Variants in GPHN observed in about 807,000 individuals in gnomAD.
GPHN encodes the protein gephyrin.
A neutral mutation model predicts 95.5 loss-of-function variants in GPHN; 17 were observed. The ratio of observed to expected loss-of-function variants is 0.18; its 90% CI spans 0.12 to 0.27. The LOEUF (loss-of-function observed/expected upper bound fraction) is 0.27. Among genes scored for constraint, GPHN ranks in the 10% least tolerant of loss-of-function variants. GPHN has a pLI of 1.00. For missense variants in GPHN, 660 were observed against 978.1 expected (o/e 0.67, Z 4.34); for synonymous variants, 320 against 322.5 (o/e 0.99, Z 0.08).
chr14:67,115,055 A>G (rs1361323450), intron 16 of GPHN, among the ~76,000 whole-genome samples: 2 of 152,188 alleles, frequency 1.3e-5, no homozygotes, highest in Admixed American at 1.3e-4. Flanking sequence ...ATACTAAACT[A>G]TACCACAGTT....
the GPHN span, among the ~76,000 whole-genome samples, chr14:67,479,611 G>T: frequency 6.6e-6 from 1 of 152,022 alleles, no homozygotes; most frequent in East Asian, 1.9e-4. Context: ...CCAGCTACTC[G>T]GGAGGCTGAG....
chr14:67,668,383 C>T, the GPHN span, among the ~76,000 whole-genome samples: 2 of 152,082 alleles, frequency 1.3e-5, no homozygotes, highest in Non-Finnish European at 2.9e-5. Flanking sequence ...TGGACAGTTA[C>T]ACAAAAACTT....
At chr14:67,122,154 G>A in intron 16 of GPHN, 102 bp from the exon 17 acceptor site, 1 of 1,080,162 alleles carries the variant, frequency 9.3e-7, no homozygotes, top group Non-Finnish European at 1.4e-6. Flanking sequence ...TACCATTGTA[G>A]GTGCTAGATA....
At chr14:67,347,498 C>CTG in the GPHN span, 4 of 1,292,318 alleles carry the variant, frequency 3.1e-6, no homozygotes, top group South Asian at 5.6e-5. Flanking sequence ...CCTTTAAGTT[C>CTG]TCTCTTTTTT....
chr14:66,741,743 A>G (rs1013337244), intron 2 of GPHN, among the ~76,000 whole-genome samples: 1 of 152,162 alleles, frequency 6.6e-6, no homozygotes, highest in East Asian at 1.9e-4. Flanking sequence ...CTTTGTAGCT[A>G]CTGTCACCAG....
rs543616425 is a variant in GPHN, at chr14:66,938,320, T to C, written c.828+14028T>C. ...GTTTAAGAAATCAGGGTCTACTAAA[T>C]TGTGTGGGTTACATATAGCTTAAAA... On this transcript the variant is annotated intron_variant, in intron 8 of 22. Transcript: ENST00000478722. Among the ~76,000 whole-genome samples, 8 of 152,248 alleles carry C rather than the reference T, an allele frequency of 5.3e-5. No homozygotes were observed. The South Asian group carries it at 1.7e-3, about 32-fold the overall frequency.
the GPHN span, among the ~76,000 whole-genome samples, chr14:67,595,534 G>A: frequency 6.6e-6 from 1 of 152,192 alleles, no homozygotes; most frequent in African/African-American, 2.4e-5. Context: ...ACCATGATTG[G>A]TTCCCACTCC....
chr14:67,650,974 T>C, the GPHN span: 6 of 1,537,020 alleles, frequency 3.9e-6, no homozygotes, highest in African/African-American at 4.1e-5. Flanking sequence ...TTATGAGGCA[T>C]TGAGGGGATA....
the GPHN span, chr14:67,706,004 G>A: frequency 6.6e-6 from 1 of 152,220 alleles, no homozygotes; most frequent in African/African-American, 2.4e-5. Context: ...GGAGGATGAG[G>A]TAGAAAGATC....
the GPHN span, among the ~76,000 whole-genome samples, chr14:67,442,464 G>C: frequency 1.2e-4 from 19 of 152,284 alleles, 1 homozygote; most frequent in Admixed American, 9.2e-4. Flanking sequence ...CGGTCCAGAA[G>C]GCAGAGTGAA....
chr14:66,682,367 C>T (rs867334594), intron 2 of GPHN, among the ~76,000 whole-genome samples: 1 of 152,176 alleles, frequency 6.6e-6, no homozygotes, highest in African/African-American at 2.4e-5. Context: ...TAGTGAATAA[C>T]ATTTAATTGC....
At chr14:67,685,992 T>G in the GPHN span, 1 of 152,224 alleles carries the variant, frequency 6.6e-6, no homozygotes, top group African/African-American at 2.4e-5. Flanking sequence ...GTCTCAGTTT[T>G]CTGGACCAGT....
At chr14:67,707,447 G>A in the GPHN span, among the ~76,000 whole-genome samples, 2 of 151,980 alleles carry the variant, frequency 1.3e-5, no homozygotes, top group Admixed American at 1.3e-4. Flanking sequence ...TATATTTTTT[G>A]AGATGGAGTC....
the GPHN span, among the ~76,000 whole-genome samples, chr14:67,672,137 T>G: frequency 4.2e-4 from 64 of 151,970 alleles, no homozygotes; most frequent in Admixed American, 1.7e-3. Context: ...TTTTTTTTTT[T>G]TGGGAGAGTC....
chr14:67,573,781 C>T, the GPHN span: 1 of 1,550,824 alleles, frequency 6.4e-7, no homozygotes, highest in Non-Finnish European at 8.9e-7. The surrounding 1 kb of genome is among the most constrained non-coding windows in gnomAD (Gnocchi z 4.8). Flanking sequence ...TGGCTCTCCT[C>T]TCCAATACTT....
chr14:66,922,803 T>C lies in GPHN; in HGVS notation c.594T>C (p.Thr198=), dbSNP rs1231715287. The change falls in exon 7 of 23, where the codon ACT becomes ACC. Residue 198 remains threonine (T), a synonymous_variant. Coordinates refer to ENST00000478722, the MANE Select transcript of GPHN (RefSeq NM_020806.5). ...CTCCCCCTCTTTCCCCTCCTCCTAC[T>C]ACCAGCCCCCATAAACAGACAGAAG... ...SPPPPLSPPP[T]TSPHKQTEDK... is the part of the protein sequence containing the mutation. 6.2e-7 allele frequency: 1 copy of C among 1,608,212 alleles called. No homozygotes were observed. The highest frequency in any genetic ancestry group is 8.5e-7 in the Non-Finnish European group (1 of 1,175,186).
intron 1 of GPHN, among the ~76,000 whole-genome samples, chr14:66,548,971 C>G (rs917494099): frequency 1.3e-5 from 2 of 152,140 alleles, no homozygotes; most frequent in Non-Finnish European, 2.9e-5. Context: ...ATGGTAGCAT[C>G]TGTATTCCTA....
the GPHN span, among the ~76,000 whole-genome samples, chr14:67,513,357 G>A: frequency 6.6e-6 from 1 of 152,044 alleles, no homozygotes; most frequent in South Asian, 2.1e-4. Context: ...CTTCTCTGGT[G>A]CAGTACCTGC....
At chr14:67,646,115 AC>A in the GPHN span, among the ~76,000 whole-genome samples, 2 of 152,182 alleles carry the variant, frequency 1.3e-5, no homozygotes, top group Non-Finnish European at 2.9e-5. Flanking sequence ...GACAAATAAA[AC>A]CATGACCTCT....
Sources: allele counts gnomAD v4.1 joint callset (sites outside exome capture counted in the v4.1 genomes callset), GRCh38; gene constraint gnomAD v4.1.1; non-coding constraint Gnocchi (gnomAD v3.1); transcripts MANE v1.5; gene names NCBI Gene and HGNC (gene_info 2026-07-23, HGNC 2026-07-21).